Variants in CMTM7 observed in about 807,000 individuals in gnomAD.
The protein encoded by CMTM7 is CKLF-like MARVEL transmembrane domain-containing protein 7.
CMTM7 carries 7 observed loss-of-function variants against 19.3 expected under a neutral mutation model. That is an observed-to-expected ratio of 0.36 (90% CI 0.21 to 0.68). The LOEUF (loss-of-function observed/expected upper bound fraction) is 0.68, where lower values mean the gene tolerates loss of function less well. Among genes scored for constraint, CMTM7 ranks in the 30% least tolerant of loss-of-function variants. CMTM7 has a pLI of 0.60. For synonymous variants in CMTM7, 87 were observed against 99.3 expected (o/e 0.88, Z 0.74); for missense variants, 193 against 232.6 (o/e 0.83, Z 1.11).
At chr3:32,423,981 T>A (rs1696384493) in intron 1 of CMTM7, among the ~76,000 whole-genome samples, 1 of 152,256 alleles carries the variant, frequency 6.6e-6, no homozygotes, top group Non-Finnish European at 1.5e-5. Flanking sequence ...TTTTTCTCTT[T>A]AAGTGCTTGT....
intron 1 of CMTM7, among the ~76,000 whole-genome samples, chr3:32,402,146 CTG>C (rs2125620431): frequency 6.6e-6 from 1 of 152,310 alleles, no homozygotes; most frequent in African/African-American, 2.4e-5. Flanking sequence ...AGTCTTCAGT[CTG>C]TGGCCCAGAC....
chr3:32,432,777 C>G (rs910142883), intron 1 of CMTM7, among the ~76,000 whole-genome samples: 3 of 152,164 alleles, frequency 2.0e-5, no homozygotes, highest in African/African-American at 7.2e-5. Context: ...ATTACTTTTG[C>G]TCTTCTTGTC....
intron 1 of CMTM7, among the ~76,000 whole-genome samples, chr3:32,400,022 T>A (rs779676086): frequency 6.6e-6 from 1 of 151,978 alleles, no homozygotes; most frequent in Non-Finnish European, 1.5e-5. Flanking sequence ...TTGGTGGTGG[T>A]TTGTTTTTCT....
chr3:32,405,302 C>T (rs139626157), intron 1 of CMTM7, among the ~76,000 whole-genome samples: 99 of 152,332 alleles, frequency 6.5e-4, no homozygotes, highest in African/African-American at 2.1e-3. Flanking sequence ...ATAACTAACG[C>T]AGTCACAAAA....
intron 1 of CMTM7, among the ~76,000 whole-genome samples, chr3:32,431,783 C>A (rs1696523531): frequency 6.6e-6 from 1 of 152,138 alleles, no homozygotes; most frequent in South Asian, 2.1e-4. Flanking sequence ...CCTCAGTTTC[C>A]ACATAAAAAG....
chr3:32,393,084 C>T (rs1403350983), intron 1 of CMTM7, among the ~76,000 whole-genome samples: 1 of 152,098 alleles, frequency 6.6e-6, no homozygotes, highest in Non-Finnish European at 1.5e-5. Context: ...GACAAGGTCA[C>T]ACACCCAGAA....
Position 32,449,413 on chromosome 3 carries a change from G to A in CMTM7, c.334-41G>A. The A allele has an allele frequency of 7.2e-7, 1 of 1,389,356 alleles. No individual in the cohort carries two copies. The highest frequency in any genetic ancestry group is 1.0e-6 in the Non-Finnish European group (1 of 975,112). The allele number at this position is 1,389,356 out of a possible 1,614,324, so 86.1% of individuals were successfully genotyped here. On this transcript the variant is annotated intron_variant, in intron 2 of 4. Transcript: ENST00000334983. The surrounding 1 kb of genome is among the most constrained non-coding windows in gnomAD (Gnocchi z 4.5). ...CAGTTGCTCTTCCCGGACCAGAAAT[G>A]GACGGCCCTACCCACTTATTTGCTT...
At chr3:32,450,965 C>T (rs894363676) in intron 3 of CMTM7, 10 of 152,166 alleles carry the variant, frequency 6.6e-5, no homozygotes, top group African/African-American at 2.4e-4. Context: ...GGAGACAAGA[C>T]ACATGAAACA....
chr3:32,405,094 G>T (rs1285768079), intron 1 of CMTM7, among the ~76,000 whole-genome samples: 1 of 152,166 alleles, frequency 6.6e-6, no homozygotes, highest in Non-Finnish European at 1.5e-5. Context: ...CAGACCTATG[G>T]TTACAAGAAA....
At chr3:32,405,371 T>C (rs1486668436) in intron 1 of CMTM7, among the ~76,000 whole-genome samples, 1 of 152,242 alleles carries the variant, frequency 6.6e-6, no homozygotes, top group African/African-American at 2.4e-5. Flanking sequence ...CAAGGGAAGA[T>C]GGAGCAATAG....
At chr3:32,427,415 C>T (rs1044102563) in intron 1 of CMTM7, among the ~76,000 whole-genome samples, 4 of 151,988 alleles carry the variant, frequency 2.6e-5, no homozygotes, top group African/African-American at 9.7e-5. Context: ...GGAGCTGTGG[C>T]AGATGCTAGA....
chr3:32,402,014 T>A (rs1040281252), intron 1 of CMTM7, among the ~76,000 whole-genome samples: 3 of 152,204 alleles, frequency 2.0e-5, no homozygotes, highest in Admixed American at 6.5e-5. Context: ...CGGCTCTTCC[T>A]TTTCCTGGGG....
At position 32,455,273 on chromosome 3, in the gene CMTM7, G is replaced by A. The variant is rs1696890869; in HGVS notation, c.*1019G>A. Reference sequence around the variant, plus strand: ...TTCACAACCACATCTAATAGCGATGGTAGTGACTGCAAGGGGGCAGGTTAT... The same window carrying A: ...TTCACAACCACATCTAATAGCGATGATAGTGACTGCAAGGGGGCAGGTTAT... On this transcript the variant is annotated 3_prime_UTR_variant, in exon 5 of 5. Coordinates refer to ENST00000334983, the MANE Select transcript of CMTM7 (RefSeq NM_138410.4). The A allele has an allele frequency of 6.6e-6, 1 of 152,236 alleles. No individual in the cohort carries two copies. The highest frequency in any genetic ancestry group is 1.5e-5 in the Non-Finnish European group (1 of 68,058). 9.4% of individuals were successfully genotyped at this position (152,236 alleles called of 1,614,324 possible).
intron 1 of CMTM7, among the ~76,000 whole-genome samples, chr3:32,425,199 C>T (rs140220618): frequency 4.7e-4 from 71 of 152,290 alleles, no homozygotes; most frequent in African/African-American, 1.6e-3. Flanking sequence ...ATGCCTGGCA[C>T]ATAAGTGCGT....
At chr3:32,416,039 G>C (rs1696256735) in intron 1 of CMTM7, among the ~76,000 whole-genome samples, 4 of 152,140 alleles carry the variant, frequency 2.6e-5, no homozygotes. Flanking sequence ...AAGACTATTG[G>C]GTTGGCTCTT....
At chr3:32,440,241 T>C (rs1358918904) in intron 1 of CMTM7, among the ~76,000 whole-genome samples, 2 of 151,850 alleles carry the variant, frequency 1.3e-5, no homozygotes, top group South Asian at 4.2e-4. Flanking sequence ...ACCCCCTCTC[T>C]ACTAAAAATG....
intron 3 of CMTM7, 160 bp from the exon 4 acceptor site, chr3:32,452,232 G>A (rs1399409951): frequency 1.4e-5 from 21 of 1,528,420 alleles, no homozygotes; most frequent in Admixed American, 2.0e-5. Context: ...CTTCCTCTCT[G>A]CACCTGATCC....
At chr3:32,422,098 C>T (rs1696352872) in intron 1 of CMTM7, among the ~76,000 whole-genome samples, 1 of 152,224 alleles carries the variant, frequency 6.6e-6, no homozygotes, top group African/African-American at 2.4e-5. Flanking sequence ...GGCTAACACT[C>T]ATACTTCCTT....
intron 1 of CMTM7, among the ~76,000 whole-genome samples, chr3:32,408,985 C>G (rs146444648): frequency 6.6e-6 from 1 of 152,042 alleles, no homozygotes; most frequent in South Asian, 2.1e-4. Flanking sequence ...CGGGTTCAAG[C>G]GGTTCTCTTG....
Sources: gnomAD v4.1 joint callset for allele counts (sites outside exome capture counted in the v4.1 genomes callset) on GRCh38, gnomAD v4.1.1 for gene constraint, Gnocchi (gnomAD v3.1) non-coding constraint, MANE v1.5 for transcripts, NCBI Gene and HGNC (gene_info 2026-07-23, HGNC 2026-07-21) for gene names.